The following POC1B variants were observed in gnomAD, a reference collection of about 807,000 sequenced individuals.
POC1B encodes the protein POC1 centriolar protein homolog B.
Under a neutral mutation model 60.6 loss-of-function variants are expected in POC1B, and 44 were observed. The ratio of observed to expected loss-of-function variants is 0.73; its 90% CI spans 0.57 to 0.93. The LOEUF (loss-of-function observed/expected upper bound fraction) is 0.93. Among genes scored for constraint, POC1B ranks in the 40% least tolerant of loss-of-function variants. The pLI, the probability that POC1B is intolerant of heterozygous loss-of-function variation, is 0.00. For synonymous variants in POC1B, 180 were observed against 198.9 expected (o/e 0.90, Z 0.80); for missense variants, 555 against 572.3 (o/e 0.97, Z 0.31).
intron 2 of POC1B, among the ~76,000 whole-genome samples, chr12:89,514,402 C>CTTTTTTTTTATTTTTTTTTTT (rs1870342899): frequency 1.5e-5 from 1 of 67,086 alleles, no homozygotes; most frequent in Non-Finnish European, 2.6e-5. Flanking sequence ...TCATGTATTT[C>CTTTTTTTTTATTTTTTTTTTT]TTTTTTTTTT....
chr12:89,484,841 G>T (rs1868548163), intron 4 of POC1B, among the ~76,000 whole-genome samples: 1 of 152,206 alleles, frequency 6.6e-6, no homozygotes, highest in East Asian at 1.9e-4. Context: ...CTCAGGGGAA[G>T]GGTGACTGAC....
At chr12:89,488,269 C>A (rs971625606) in intron 4 of POC1B, among the ~76,000 whole-genome samples, 9 of 152,132 alleles carry the variant, frequency 5.9e-5, no homozygotes, top group African/African-American at 2.2e-4. Context: ...AAAACTATAT[C>A]AGCCACCATC....
At chr12:89,447,173 T>G (rs190971416) in intron 10 of POC1B, among the ~76,000 whole-genome samples, 50 of 152,278 alleles carry the variant, frequency 3.3e-4, no homozygotes, top group Admixed American at 1.6e-3. Context: ...ATCAAAATTA[T>G]TTTTCTCAAT....
intron 2 of POC1B, among the ~76,000 whole-genome samples, chr12:89,506,643 T>C (rs1420436367): frequency 1.3e-5 from 2 of 152,196 alleles, no homozygotes; most frequent in African/African-American, 2.4e-5. Flanking sequence ...ACCTGCTACA[T>C]AATTTGCAGG....
At chr12:89,417,920 G>GA (rs988019599), downstream of POC1B, among the ~76,000 whole-genome samples, 2 of 152,108 alleles carry the variant, frequency 1.3e-5, no homozygotes, top group Non-Finnish European at 2.9e-5. Flanking sequence ...AGGGGTGGAG[G>GA]AAAAAAATCT....
rs527378041 is a variant in POC1B, at chr12:89,510,021, G to A, written c.101-12679C>T. ...CCACCACACTCAGTTAATTTTTTTT[G>A]TATTTTTAGTAGAGACAGGGTTTCA... On this transcript the variant is annotated intron_variant, in intron 2 of 11. Coordinates refer to ENST00000313546, the MANE Select transcript of POC1B (RefSeq NM_172240.3). Among the ~76,000 whole-genome samples the A allele has an allele frequency of 2.0e-3, 281 of 142,386 alleles. 2 individuals carry two copies. The highest frequency in any genetic ancestry group is 7.0e-3 in the African/African-American group (272 of 38,602). 93.4% of individuals were successfully genotyped at this position (142,386 alleles called of 152,430 possible). A position where few individuals can be genotyped will look rare whatever the true frequency, so the allele number is the denominator to read the frequency against.
At chr12:89,459,601 CT>C (rs1312127329) in intron 10 of POC1B, 36 bp downstream of exon 10, 1 of 1,116,972 alleles carries the variant, frequency 9.0e-7, no homozygotes, top group Non-Finnish European at 1.2e-6. Flanking sequence ...TTAAATGCCA[CT>C]TAAGTGTCAA....
At chr12:89,424,614 T>C (rs1880678642) in intron 11 of POC1B, among the ~76,000 whole-genome samples, 1 of 152,214 alleles carries the variant, frequency 6.6e-6, no homozygotes, top group Admixed American at 6.5e-5. Context: ...TGTATGCATT[T>C]CAACATACCA....
At chr12:89,504,236 G>A (rs1354643630) in intron 2 of POC1B, among the ~76,000 whole-genome samples, 1 of 152,244 alleles carries the variant, frequency 6.6e-6, no homozygotes, top group Non-Finnish European at 1.5e-5. Flanking sequence ...GTAGACATAG[G>A]AGACTCCATT....
chr12:89,525,130 G>T lies in POC1B; in HGVS notation c.90C>A (p.Gly30=), dbSNP rs759325974. The T allele has an allele frequency of 3.1e-6, 5 of 1,614,064 alleles. No homozygotes were observed. Among genetic ancestry groups the T allele is most frequent in the Non-Finnish European group, 4.2e-6 (5 of 1,179,910 alleles). The change falls in exon 2 of 12, where the codon GGC becomes GGA. Residue 30 remains glycine (G), a synonymous_variant. Coordinates refer to ENST00000313546, the MANE Select transcript of POC1B (RefSeq NM_172240.3). ...AITSLDLSPN[G]KQLATASWDT... ...AAGAATAAGACTTACCAAGTTGCTT[G>T]CCGTTGGGGCTGAGGTCCAAGGAGG...
chr12:89,474,846 T>A (rs969984246), intron 4 of POC1B, among the ~76,000 whole-genome samples: 8 of 152,214 alleles, frequency 5.3e-5, no homozygotes, highest in African/African-American at 1.9e-4. Flanking sequence ...GTTAGGAGGC[T>A]ATACACCATC....
At position 89,435,882 on chromosome 12, in the gene POC1B, C is replaced by T. The variant is rs74719435; in HGVS notation, c.1114-10503G>A. Among the ~76,000 whole-genome samples, 436 of 151,340 alleles carry T rather than the reference C, an allele frequency of 2.9e-3. 3 individuals carry two copies. Among genetic ancestry groups the T allele is most frequent in the African/African-American group, 9.6e-3 (395 of 41,266 alleles). Reference sequence around the variant, plus strand: ...ATGATAATATATCTTTTCTCAAACACGCATATGCATGTGTGTGTATGAACA... The same window carrying T: ...ATGATAATATATCTTTTCTCAAACATGCATATGCATGTGTGTGTATGAACA... On this transcript the variant is annotated intron_variant, in intron 10 of 11. Transcript: ENST00000313546.
intron 2 of POC1B, among the ~76,000 whole-genome samples, chr12:89,519,046 G>T (rs1338338332): frequency 6.6e-6 from 1 of 152,096 alleles, no homozygotes; most frequent in Non-Finnish European, 1.5e-5. Flanking sequence ...TTATGGACCG[G>T]GGAAATATGA....
intron 2 of POC1B, chr12:89,522,445 G>C: frequency 2.8e-6 from 1 of 361,010 alleles, no homozygotes; most frequent in Non-Finnish European, 4.9e-6. Flanking sequence ...GGGATGTGCG[G>C]TGAACTTACA....
the POC1B span, among the ~76,000 whole-genome samples, chr12:89,404,070 T>A: frequency 1.3e-5 from 2 of 151,698 alleles, no homozygotes; most frequent in Non-Finnish European, 2.9e-5. Flanking sequence ...AGGTGGAGGT[T>A]GCGATAAGCT....
intron 2 of POC1B, chr12:89,502,738 A>C (rs938833766): frequency 7.4e-7 from 1 of 1,354,532 alleles, no homozygotes; most frequent in Non-Finnish European, 1.0e-6. Context: ...TATTAAGACC[A>C]CAAGAAGAAA....
intron 2 of POC1B, chr12:89,500,684 G>T (rs1869513118): frequency 1.3e-6 from 2 of 1,519,148 alleles, no homozygotes; most frequent in African/African-American, 1.4e-5. Flanking sequence ...TTCAAGTACA[G>T]AGGTTTCACT....
intron 10 of POC1B, among the ~76,000 whole-genome samples, chr12:89,437,968 T>C (rs1881341540): frequency 6.7e-6 from 1 of 148,296 alleles, no homozygotes; most frequent in Non-Finnish European, 1.5e-5. Flanking sequence ...AATTGCTTGC[T>C]CAAACCTGGG....
intron 6 of POC1B, among the ~76,000 whole-genome samples, chr12:89,470,807 C>A (rs1011740651): frequency 6.6e-6 from 1 of 152,140 alleles, no homozygotes; most frequent in Non-Finnish European, 1.5e-5. Context: ...GGTATATAAC[C>A]TAGTCTCAAA....
Sources: allele counts gnomAD v4.1 joint callset (sites outside exome capture counted in the v4.1 genomes callset), GRCh38; gene constraint gnomAD v4.1.1; transcripts MANE v1.5; gene names NCBI Gene and HGNC (gene_info 2026-07-23, HGNC 2026-07-21).